TENM3: variants seen among roughly 807,000 people sequenced by gnomAD.
The protein encoded by TENM3 is teneurin transmembrane protein 3.
A neutral mutation model predicts 255.1 loss-of-function variants in TENM3; 63 were observed. That is an observed-to-expected ratio of 0.25 (90% CI 0.20 to 0.30). The LOEUF is 0.30. TENM3 is among the 10% of genes least tolerant of loss of function. The probability of loss-of-function intolerance (pLI) is 1.00; values close to 1 mark genes in which losing one functional copy is unlikely to be tolerated. For missense variants in TENM3, 2,929 were observed against 3,461.1 expected, an observed-to-expected ratio of 0.85 and a Z score of 3.86; for synonymous variants, 1,306 against 1,322.3, an observed-to-expected ratio of 0.99 and a Z score of 0.27.
chr4:182,388,040 A>C (rs868109064), intron 3 of TENM3, among the ~76,000 whole-genome samples: 2 of 151,870 alleles, frequency 1.3e-5, no homozygotes, highest in African/African-American at 2.4e-5. Flanking sequence ...ATGTATCTGC[A>C]TGCCCCAATG....
chr4:182,671,945 C>T (rs1040397448), intron 6 of TENM3, among the ~76,000 whole-genome samples: 7 of 152,044 alleles, frequency 4.6e-5, no homozygotes, highest in Non-Finnish European at 1.0e-4. Flanking sequence ...TTAACTCCTG[C>T]GCTCAAGTGA....
At chr4:181,629,564 A>G in the TENM3 span, among the ~76,000 whole-genome samples, 1 of 152,164 alleles carries the variant, frequency 6.6e-6, no homozygotes, top group African/African-American at 2.4e-5. Context: ...GAATTTTGTC[A>G]AAGGCCTTTT....
intron 1 of TENM3, among the ~76,000 whole-genome samples, chr4:182,254,847 G>A (rs1758271644): frequency 6.6e-6 from 1 of 152,054 alleles, no homozygotes; most frequent in Non-Finnish European, 1.5e-5. Flanking sequence ...AGTGCCCATT[G>A]CACTGATGGA....
At chr4:181,697,203 G>A in the TENM3 span, among the ~76,000 whole-genome samples, 1 of 152,192 alleles carries the variant, frequency 6.6e-6, no homozygotes, top group Non-Finnish European at 1.5e-5. Context: ...GGAGTGAACT[G>A]AGAGTGGCGA....
chr4:182,582,456 G>C (rs1011006953), intron 3 of TENM3, among the ~76,000 whole-genome samples: 1 of 152,114 alleles, frequency 6.6e-6, no homozygotes, highest in Non-Finnish European at 1.5e-5. Context: ...TAAGCCTATT[G>C]CGTAATCAGC....
the TENM3 span, among the ~76,000 whole-genome samples, chr4:182,046,411 T>C: frequency 6.6e-6 from 1 of 152,076 alleles, no homozygotes; most frequent in South Asian, 2.1e-4. Context: ...GCTCAACAAA[T>C]TGTGCACTAT....
intron 3 of TENM3, among the ~76,000 whole-genome samples, chr4:182,553,097 C>G (rs539236690): frequency 4.6e-5 from 7 of 151,840 alleles, no homozygotes; most frequent in Admixed American, 1.3e-4. Context: ...TTTTGTTCTA[C>G]TTTTTTAGAC....
the TENM3 span, among the ~76,000 whole-genome samples, chr4:181,858,178 A>G: frequency 6.6e-6 from 1 of 152,238 alleles, no homozygotes; most frequent in Non-Finnish European, 1.5e-5. Flanking sequence ...GGCTTACTGC[A>G]GCAGCTCAAC....
At chr4:182,073,887 A>C in the TENM3 span, among the ~76,000 whole-genome samples, 30,929 of 152,078 alleles carry the variant, frequency 0.2, 3,904 homozygotes, top group East Asian at 0.3. Context: ...CTTTGTTCAC[A>C]GAATTGGCAC....
intron 3 of TENM3, among the ~76,000 whole-genome samples, chr4:182,383,710 A>G (rs1234111228): frequency 6.6e-6 from 1 of 152,136 alleles, no homozygotes; most frequent in Admixed American, 6.5e-5. Context: ...CTCCCTAAGC[A>G]GAAAGAACAA....
At chr4:181,660,749 G>A in the TENM3 span, among the ~76,000 whole-genome samples, 15 of 152,204 alleles carry the variant, frequency 9.9e-5, no homozygotes, top group East Asian at 3.9e-4. Context: ...TGCCTCTTAC[G>A]TTACTGGAAA....
At chr4:182,250,082 T>C (rs1757907589) in intron 1 of TENM3, among the ~76,000 whole-genome samples, 1 of 149,330 alleles carries the variant, frequency 6.7e-6, no homozygotes. Flanking sequence ...AGACGGAGTC[T>C]TGCTCTGTCG....
chr4:182,497,631 A>G (rs1383907481), intron 3 of TENM3, among the ~76,000 whole-genome samples: 1 of 152,162 alleles, frequency 6.6e-6, no homozygotes, highest in African/African-American at 2.4e-5. Flanking sequence ...TTCTAATATT[A>G]GAGGACTAAT....
chr4:181,705,571 TA>T, the TENM3 span, among the ~76,000 whole-genome samples: 2 of 152,104 alleles, frequency 1.3e-5, no homozygotes, highest in South Asian at 4.1e-4. Context: ...TTAAGATCTC[TA>T]AACATTGGTT....
the TENM3 span, among the ~76,000 whole-genome samples, chr4:182,054,323 C>T: frequency 3.9e-5 from 6 of 152,266 alleles, no homozygotes; most frequent in African/African-American, 1.4e-4. Context: ...AGACGGTGTG[C>T]TCAGTGCTTG....
intron 1 of TENM3, among the ~76,000 whole-genome samples, chr4:182,165,579 A>G (rs1751649998): frequency 6.6e-6 from 1 of 152,170 alleles, no homozygotes; most frequent in Non-Finnish European, 1.5e-5. Context: ...GGCTAAACAG[A>G]TATCTCCTTG....
chr4:181,604,080 C>T, the TENM3 span, among the ~76,000 whole-genome samples: 6 of 151,968 alleles, frequency 3.9e-5, no homozygotes, highest in Admixed American at 2.0e-4. Flanking sequence ...CTGGTTAACA[C>T]GGTGAAACCC....
intron 3 of TENM3, among the ~76,000 whole-genome samples, chr4:182,448,113 G>GC (rs1448683409): frequency 6.6e-6 from 1 of 152,206 alleles, no homozygotes; most frequent in Non-Finnish European, 1.5e-5. Context: ...CATGCCTTCA[G>GC]CCCCTGGTAC....
the TENM3 span, among the ~76,000 whole-genome samples, chr4:181,881,112 C>T: frequency 1.3e-5 from 2 of 152,142 alleles, no homozygotes; most frequent in African/African-American, 4.8e-5. Flanking sequence ...CCAACCTCCA[C>T]CACTCTCTCC....
Sources: allele counts gnomAD v4.1 joint callset (sites outside exome capture counted in the v4.1 genomes callset), GRCh38; gene constraint gnomAD v4.1.1; transcripts MANE v1.5; gene names NCBI Gene and HGNC (gene_info 2026-07-23, HGNC 2026-07-21).